FIZ1: variants seen among roughly 807,000 people sequenced by gnomAD.
The protein encoded by FIZ1 is flt3-interacting zinc finger protein 1.
In FIZ1, 2 loss-of-function variants were observed where a neutral mutation model predicts 5.3. That is an observed-to-expected ratio of 0.37 (90% CI 0.15 to 1.18). The LOEUF (loss-of-function observed/expected upper bound fraction) is 1.18. Among genes scored for constraint, FIZ1 ranks in the 50% most tolerant of loss-of-function variants. The pLI, the probability that FIZ1 is intolerant of heterozygous loss-of-function variation, is 0.37. For synonymous variants in FIZ1, 407 were observed against 364.2 expected (o/e 1.12, Z -1.34); for missense variants, 631 against 749.7 (o/e 0.84, Z 1.85).
In FIZ1 at chr19:55,597,810, G is replaced by T. The variant is rs1356807780; in HGVS notation, c.56C>A (p.Pro19His). Residue 19 changes from proline to histidine, a missense_variant, in exon 2 of 3, where the codon CCC becomes CAC. Coordinates refer to ENST00000221665, the MANE Select transcript of FIZ1 (RefSeq NM_032836.3). ...TTCACTGCAGTGAAACGGGACCCTG[G>T]GGGCGGCAGCGGCGGGCGGTGCTGG... ...PAPAPPAAAAPRVPFHCSECG... is the reference protein window; with the variant it reads ...PAPAPPAAAAHRVPFHCSECG... The T allele has an allele frequency of 6.2e-7, 1 of 1,613,338 alleles. No individual in the cohort carries two copies. Among genetic ancestry groups the T allele is most frequent in the South Asian group, 1.1e-5 (1 of 91,040 alleles).
chr19:55,592,806 C>A lies in FIZ1; in HGVS notation c.1135G>T (p.Val379Phe). The A allele has an allele frequency of 6.3e-7, 1 of 1,585,126 alleles. No individual in the cohort carries two copies. Among genetic ancestry groups the A allele is most frequent in the Non-Finnish European group, 8.5e-7 (1 of 1,170,724 alleles). Residue 379 changes from valine to phenylalanine, a missense_variant, in exon 3 of 3, where the codon GTC becomes TTC. Physicochemically the swap from Val to Phe is conservative, Grantham distance 50. This residue lies in a region of FIZ1 where 463 missense variants were observed against 455.1 expected (regional missense o/e 1.02). Coordinates refer to ENST00000221665, the MANE Select transcript of FIZ1 (RefSeq NM_032836.3). This position sits in a 1 kb window ranked among gnomAD's most constrained non-coding sequence, Gnocchi z 6.9. Reference sequence around the variant, plus strand: ...TCCCCGCCGCCCTCACCGTGGCTGACCCGCCGGTGCTCCTCCAAGGCGGCC... The same window carrying A: ...TCCCCGCCGCCCTCACCGTGGCTGAACCGCCGGTGCTCCTCCAAGGCGGCC... ...ALAALEEHRR[V>F]SHGEGGGEEA...
rs2123546020 is a variant in FIZ1, at chr19:55,592,204, G to A, written c.*246C>T. ...CTCATTCCAGGGACCTCAGGCTCAG[G>A]AGTCTCTCCCTAGATTTGGGCTCCC... On this transcript the variant is annotated 3_prime_UTR_variant, in exon 3 of 3. Coordinates refer to ENST00000221665, the MANE Select transcript of FIZ1 (RefSeq NM_032836.3). The surrounding 1 kb of genome is among the most constrained non-coding windows in gnomAD (Gnocchi z 6.9). 3.8e-6 allele frequency: 2 copies of A among 532,214 alleles called. No homozygotes were observed. Among genetic ancestry groups the A allele is most frequent in the East Asian group, 3.1e-5 (1 of 31,800 alleles). The allele number at this position is 532,214 out of a possible 1,614,324, so 33.0% of individuals were successfully genotyped here.
At position 55,597,294 on chromosome 19, in the gene FIZ1, CG is replaced by C. The variant is rs113172043; in HGVS notation, c.294+277del. Among the ~76,000 whole-genome samples the C allele has an allele frequency of 3.2e-4, 49 of 152,220 alleles. 1 individual carries two copies. The highest frequency in any genetic ancestry group is 1.1e-3 in the African/African-American group (45 of 41,536). ...GATTGCAGATGCTGGTGCGTGCACGCGGGGTATTGGCAGGGAGATGGGGCGG... is the reference window on the plus strand; with the variant it reads ...GATTGCAGATGCTGGTGCGTGCACGCGGGTATTGGCAGGGAGATGGGGCGG... On this transcript the variant is annotated intron_variant, in intron 2 of 2. Coordinates refer to ENST00000221665, the MANE Select transcript of FIZ1 (RefSeq NM_032836.3).
Position 55,592,419 on chromosome 19 carries a change from G to T in FIZ1, c.*31C>A. The T allele has an allele frequency of 1.3e-6, 2 of 1,512,068 alleles. No homozygotes were observed. The highest frequency in any genetic ancestry group is 1.8e-6 in the Non-Finnish European group (2 of 1,124,374). The allele number at this position is 1,512,068 out of a possible 1,614,324, so 93.7% of individuals were successfully genotyped here. ...GGTCCAGGCCGAGTCCAGGAGGCTG[G>T]GTGGAGGGCAGGGCGCACGCAGCCT... On this transcript the variant is annotated 3_prime_UTR_variant, in exon 3 of 3. Coordinates refer to ENST00000221665, the MANE Select transcript of FIZ1 (RefSeq NM_032836.3). The surrounding 1 kb of genome is among the most constrained non-coding windows in gnomAD (Gnocchi z 6.9).
At chr19:55,595,765 C>T (rs977267162) in intron 2 of FIZ1, 4 of 152,224 alleles carry the variant, frequency 2.6e-5, no homozygotes, top group Admixed American at 1.3e-4. Context: ...TCCCTGGATC[C>T]GGAAAGCCTC....
Position 55,598,264 on chromosome 19 carries a change from T to A in FIZ1, c.-36-363A>T, listed in dbSNP as rs146578421. 3.3e-3 allele frequency: 713 copies of A among 215,026 alleles called. 7 individuals carry two copies. The highest frequency in any genetic ancestry group is 0.015 in the African/African-American group (668 of 44,464). 13.3% of individuals were successfully genotyped at this position (215,026 alleles called of 1,614,324 possible). A position where few individuals can be genotyped will look rare whatever the true frequency, so the allele number is the denominator to read the frequency against. ...CTACTCCCTTCAAAGTCCCCCACAA[T>A]GTTCCCTAAGGATCTTGTATTCTTT... On this transcript the variant is annotated intron_variant, in intron 1 of 2. Coordinates refer to ENST00000221665, the MANE Select transcript of FIZ1 (RefSeq NM_032836.3).
chr19:55,592,516 G>A lies in FIZ1; in HGVS notation c.1425C>T (p.Cys475=), dbSNP rs200475461. 13 of 1,602,280 alleles carry A rather than the reference G, an allele frequency of 8.1e-6. No individual in the cohort carries two copies. In the East Asian group the frequency reaches 2.7e-4, roughly 33 times the overall value. Residue 475 remains cysteine, a synonymous_variant, in exon 3 of 3, where the codon TGC becomes TGT. Transcript: ENST00000221665. This position sits in a 1 kb window ranked among gnomAD's most constrained non-coding sequence, Gnocchi z 6.9. ...GTERPFPCHI[C]GKGFITLSNL... ...TGCTGAGCGTGATGAAGCCCTTGCC[G>A]CAGATGTGGCAAGGGAAGGGCCGCT...
rs75815969 is a variant in FIZ1, at chr19:55,596,255, G to A, written c.294+1317C>T. Among the ~76,000 whole-genome samples, 795 of 152,198 alleles carry A rather than the reference G, an allele frequency of 5.2e-3. 11 individuals are homozygous for A. Among genetic ancestry groups the A allele is most frequent in the African/African-American group, 0.018 (745 of 41,540 alleles). On this transcript the variant is annotated intron_variant, in intron 2 of 2. Coordinates refer to ENST00000221665, the MANE Select transcript of FIZ1 (RefSeq NM_032836.3). Reference sequence around the variant, plus strand: ...GTGAGGGAGAGAGACAGGAAGGAGGGAGACCACTGAGAAAGCCGGGGCCAA... The same window carrying A: ...GTGAGGGAGAGAGACAGGAAGGAGGAAGACCACTGAGAAAGCCGGGGCCAA...
chr19:55,596,830 G>A (rs751970973), intron 2 of FIZ1, among the ~76,000 whole-genome samples: 3 of 152,048 alleles, frequency 2.0e-5, no homozygotes, highest in Non-Finnish European at 2.9e-5. Context: ...ATGCCAACAC[G>A]CCTGGCTAAT....
intron 2 of FIZ1, among the ~76,000 whole-genome samples, chr19:55,596,993 T>G (rs1312258007): frequency 6.6e-6 from 1 of 152,126 alleles, no homozygotes; most frequent in Non-Finnish European, 1.5e-5. Flanking sequence ...TTTCTTAAAA[T>G]TTCCCTCCTA....
intron 2 of FIZ1, among the ~76,000 whole-genome samples, chr19:55,594,892 C>T (rs745582964): frequency 5.3e-5 from 8 of 151,946 alleles, no homozygotes; most frequent in Non-Finnish European, 7.4e-5. Flanking sequence ...GATTTTGAAC[C>T]GAATCCGGCT....
At chr19:55,595,977 C>T (rs868306360) in intron 2 of FIZ1, among the ~76,000 whole-genome samples, 9 of 152,342 alleles carry the variant, frequency 5.9e-5, no homozygotes, top group African/African-American at 1.7e-4. Context: ...CGAGGCCATA[C>T]AAAGGGTGGA....
At chr19:55,596,824 C>T (rs1292530587) in intron 2 of FIZ1, among the ~76,000 whole-genome samples, 1 of 152,118 alleles carries the variant, frequency 6.6e-6, no homozygotes, top group African/African-American at 2.4e-5. Flanking sequence ...AGGTGCATGC[C>T]AACACGCCTG....
Position 55,592,705 on chromosome 19 carries a change from C to T in FIZ1, c.1236G>A (p.Lys412=). 1 of 1,612,922 alleles carries T rather than the reference C, an allele frequency of 6.2e-7. No homozygotes were observed. Among genetic ancestry groups the T allele is most frequent in the Non-Finnish European group, 8.5e-7 (1 of 1,179,786 alleles). Residue 412 remains lysine, a synonymous_variant, in exon 3 of 3, where the codon AAG becomes AAA. Coordinates refer to ENST00000221665, the MANE Select transcript of FIZ1 (RefSeq NM_032836.3). The surrounding 1 kb of genome is among the most constrained non-coding windows in gnomAD (Gnocchi z 6.9). The part of the protein sequence containing the change: ...EPPSGSGRGK[K]IFGCSECEKL... The stretch of plus-strand genomic sequence containing the variant: ...TCTCGCACTCGGAGCAGCCGAAGAT[C>T]TTCTTGCCGCGGCCGGAGCCAGACG...
chr19:55,597,637 G>A lies in FIZ1; in HGVS notation c.229C>T (p.Arg77Trp), dbSNP rs1246355531. 2 of 1,613,690 alleles carry A rather than the reference G, an allele frequency of 1.2e-6. No homozygotes were observed. The highest frequency in any genetic ancestry group is 1.7e-5 in the Admixed American group (1 of 60,004). The part of the protein sequence containing the change: ...ANHLRSHTGE[R>W]PYRCSACPKG... Reference sequence around the variant, plus strand: ...GGGCAGGCAGAGCAGCGGTAGGGCCGCTCCCCGGTGTGCGAGCGCAGGTGG... The same window carrying A: ...GGGCAGGCAGAGCAGCGGTAGGGCCACTCCCCGGTGTGCGAGCGCAGGTGG... Residue 77 changes from arginine to tryptophan, a missense_variant, in exon 2 of 3, where the codon CGG (arginine) becomes TGG (tryptophan). By Grantham distance (101) the Arg-to-Trp change is moderately radical (BLOSUM62 -3). Coordinates refer to ENST00000221665, the MANE Select transcript of FIZ1 (RefSeq NM_032836.3).
In FIZ1 at chr19:55,592,800, G is replaced by A; in HGVS notation, c.1141C>T (p.His381Tyr). 1.3e-6 allele frequency: 2 copies of A among 1,585,918 alleles called. No homozygotes were observed. Among genetic ancestry groups the A allele is most frequent in the Non-Finnish European group, 1.7e-6 (2 of 1,170,968 alleles). ...GCCTCCTCCCCGCCGCCCTCACCGT[G>A]GCTGACCCGCCGGTGCTCCTCCAAG... Reference protein sequence around the residue: ...AALEEHRRVSHGEGGGEEAAT... With the variant: ...AALEEHRRVSYGEGGGEEAAT... Residue 381 changes from histidine to tyrosine, a missense_variant, in exon 3 of 3, where the codon CAC (histidine) becomes TAC (tyrosine). Transcript: ENST00000221665. The surrounding 1 kb of genome is among the most constrained non-coding windows in gnomAD (Gnocchi z 6.9).
chr19:55,593,362 G>GGCCGCA lies in FIZ1; in HGVS notation c.573_578dup (p.Ala194_Ala195dup), dbSNP rs1295877000. 5.9e-6 allele frequency: 8 copies of GGCCGCA among 1,354,424 alleles called. No individual in the cohort carries two copies. In the East Asian group the frequency reaches 1.3e-4, roughly 21 times the overall value. 83.9% of individuals were successfully genotyped at this position (1,354,424 alleles called of 1,614,324 possible). On this transcript the variant is annotated inframe_insertion, in exon 3 of 3. Transcript: ENST00000221665. The surrounding 1 kb of genome is among the most constrained non-coding windows in gnomAD (Gnocchi z 6.3). Reference sequence around the variant, plus strand: ...ACGCAAATGGGGGCAAGGAGGCCGCGGCCGCAGCTGCCGCCTCTGCCAGCC... The same window carrying GGCCGCA: ...ACGCAAATGGGGGCAAGGAGGCCGCGGCCGCAGCCGCAGCTGCCGCCTCTGCCAGCC...
rs1980051223 is a variant in FIZ1 at position 55,592,442 on chromosome 19, C to T, written c.*8G>A. Reference sequence around the variant, plus strand: ...TGGGTGGAGGGCAGGGCGCACGCAGCCTGGCAGTCAGTCCATGCCCCGGTG... The same window carrying T: ...TGGGTGGAGGGCAGGGCGCACGCAGTCTGGCAGTCAGTCCATGCCCCGGTG... On this transcript the variant is annotated 3_prime_UTR_variant, in exon 3 of 3. Transcript: ENST00000221665. This position sits in a 1 kb window ranked among gnomAD's most constrained non-coding sequence, Gnocchi z 6.9. 1 of 1,548,368 alleles carries T rather than the reference C, an allele frequency of 6.5e-7. No individual in the cohort carries two copies. Among genetic ancestry groups the T allele is most frequent in the Non-Finnish European group, 8.7e-7 (1 of 1,144,522 alleles).
At chr19:55,597,331 A>G (rs938443090) in intron 2 of FIZ1, among the ~76,000 whole-genome samples, 2 of 152,014 alleles carry the variant, frequency 1.3e-5, no homozygotes, top group Non-Finnish European at 2.9e-5. Flanking sequence ...GCAGGAGCCT[A>G]TAGATGGGGA....
Sources: allele counts gnomAD v4.1 joint callset (sites outside exome capture counted in the v4.1 genomes callset), GRCh38; gene constraint gnomAD v4.1.1; regional missense constraint gnomAD v4.1.1; non-coding constraint Gnocchi (gnomAD v3.1); transcripts MANE v1.5; gene names NCBI Gene and HGNC (gene_info 2026-07-23, HGNC 2026-07-21).